Variants in HSD17B7 observed in about 807,000 individuals in gnomAD.
HSD17B7 encodes the protein 3-keto-steroid reductase/17-beta-hydroxysteroid dehydrogenase 7.
In HSD17B7, 17 loss-of-function variants were observed where a neutral mutation model predicts 34.1. The ratio of observed to expected loss-of-function variants is 0.50; its 90% confidence interval spans 0.34 to 0.75. The LOEUF is 0.75. HSD17B7 is among the 30% of genes least tolerant of loss of function. HSD17B7 has a pLI of 0.01. For synonymous variants in HSD17B7, 122 were observed against 154.6 expected (o/e 0.79, Z 1.56); for missense variants, 296 against 406.6 (o/e 0.73, Z 2.34).
chr1:162,809,260 C>T (rs1571010954), intron 8 of HSD17B7, among the ~76,000 whole-genome samples: 1 of 152,056 alleles, frequency 6.6e-6, no homozygotes, highest in Admixed American at 6.6e-5. Context: ...TGTTTATATG[C>T]TGGATTACGT....
intron 8 of HSD17B7, among the ~76,000 whole-genome samples, chr1:162,808,241 T>G (rs1290312947): frequency 6.6e-6 from 1 of 152,160 alleles, no homozygotes; most frequent in Non-Finnish European, 1.5e-5. Context: ...TCCCCATTTC[T>G]TGTTTTTGTC....
At chr1:162,802,231 TTTTG>T (rs1186903126) in intron 5 of HSD17B7, among the ~76,000 whole-genome samples, 2 of 152,230 alleles carry the variant, frequency 1.3e-5, no homozygotes, top group Admixed American at 6.5e-5. Context: ...CTTCTTTCTT[TTTTG>T]TTTATCTCTC....
intron 8 of HSD17B7, among the ~76,000 whole-genome samples, chr1:162,810,226 G>A (rs1156505662): frequency 6.6e-6 from 1 of 152,228 alleles, no homozygotes; most frequent in African/African-American, 2.4e-5. Flanking sequence ...TCATTCAGGA[G>A]CAAGTTGTTC....
chr1:162,793,658 A>G lies in HSD17B7; in HGVS notation c.239+796A>G, dbSNP rs551025613. ...TGTAAGTACATCCTGATGTGTGATCAGTTGCACTGCCTTACGTTAAGGTAA... is the reference window on the plus strand; with the variant it reads ...TGTAAGTACATCCTGATGTGTGATCGGTTGCACTGCCTTACGTTAAGGTAA... On this transcript the variant is annotated intron_variant, in intron 2 of 8. Transcript: ENST00000254521. Among the ~76,000 whole-genome samples the G allele has an allele frequency of 2.0e-5, 3 of 152,384 alleles. 1 individual carries two copies. In the South Asian group the frequency reaches 6.2e-4, roughly 32 times the overall value.
chr1:162,807,730 A>G (rs557407107), intron 8 of HSD17B7, among the ~76,000 whole-genome samples: 2 of 152,206 alleles, frequency 1.3e-5, no homozygotes, highest in Admixed American at 1.3e-4. Context: ...GCCAGTGATG[A>G]TGAGCATTTT....
intron 5 of HSD17B7, chr1:162,802,936 C>G (rs954467946): frequency 6.6e-6 from 1 of 152,612 alleles, no homozygotes; most frequent in African/African-American, 2.4e-5. Flanking sequence ...GGGAGCACCC[C>G]CCTCAAGCTA....
chr1:162,801,602 C>T (rs770214429), intron 5 of HSD17B7, among the ~76,000 whole-genome samples: 29 of 152,148 alleles, frequency 1.9e-4, no homozygotes, highest in African/African-American at 5.8e-4. Flanking sequence ...TGTACATGTA[C>T]GGGTTTTATG....
chr1:162,798,465 C>A (rs1317920876), intron 4 of HSD17B7: 3 of 152,964 alleles, frequency 2.0e-5, no homozygotes, highest in Non-Finnish European at 4.4e-5. Context: ...TTTGTAGACT[C>A]TCTCAATCGG....
intron 8 of HSD17B7, among the ~76,000 whole-genome samples, chr1:162,811,922 C>T (rs1276280790): frequency 6.6e-6 from 1 of 152,260 alleles, no homozygotes; most frequent in Non-Finnish European, 1.5e-5. Flanking sequence ...GGCTCTTTTA[C>T]TAAGCCAGAT....
In HSD17B7 at chr1:162,799,943, G is replaced by T. The variant is rs768389315; in HGVS notation, c.642+6G>T. The T allele has an allele frequency of 3.1e-6, 5 of 1,613,206 alleles. No individual in the cohort carries two copies. Among genetic ancestry groups the T allele is most frequent in the African/African-American group, 1.3e-5 (1 of 74,928 alleles). On this transcript the variant is annotated splice_donor_region_variant and intron_variant, in intron 5 of 8. Coordinates refer to ENST00000254521, the MANE Select transcript of HSD17B7 (RefSeq NM_016371.4). ...ACAGGAACTTCAACCAGCAGGTAAG[G>T]CCTGTCTCAGTGATACGGAAATGGC... is the stretch of plus-strand genomic sequence containing the variant.
intron 2 of HSD17B7, 133 bp downstream of exon 2, chr1:162,792,995 G>C: frequency 1.3e-6 from 1 of 772,888 alleles, no homozygotes; most frequent in South Asian, 1.8e-5. Context: ...AGTCTGTATA[G>C]GGTGACCCAT....
At chr1:162,807,134 C>T (rs140918489) in intron 8 of HSD17B7, among the ~76,000 whole-genome samples, 1,860 of 152,274 alleles carry the variant, frequency 0.012, 29 homozygotes, top group African/African-American at 0.043. Flanking sequence ...TACACCCACC[C>T]CACAACAGGC....
chr1:162,805,773 G>A (rs1648963093), intron 8 of HSD17B7, among the ~76,000 whole-genome samples: 1 of 152,162 alleles, frequency 6.6e-6, no homozygotes, highest in Non-Finnish European at 1.5e-5. Context: ...CCGGGCCTGG[G>A]TGCCTCTGTA....
At chr1:162,806,969 CT>C (rs1267002834) in intron 8 of HSD17B7, among the ~76,000 whole-genome samples, 2 of 151,958 alleles carry the variant, frequency 1.3e-5, no homozygotes, top group South Asian at 4.2e-4. Flanking sequence ...TATTTTCTTT[CT>C]TTTTTTTAAA....
At chr1:162,799,299 C>T (rs1453580965) in intron 4 of HSD17B7, among the ~76,000 whole-genome samples, 2 of 152,104 alleles carry the variant, frequency 1.3e-5, no homozygotes, top group Non-Finnish European at 2.9e-5. Flanking sequence ...TTTGGCACAC[C>T]CCCATTGTTA....
intron 2 of HSD17B7, among the ~76,000 whole-genome samples, chr1:162,795,133 T>C (rs1468450158): frequency 6.6e-6 from 1 of 152,174 alleles, no homozygotes; most frequent in Non-Finnish European, 1.5e-5. Flanking sequence ...CCAGATAGAT[T>C]CTTACTTATG....
chr1:162,800,026 C>T (rs1571002937), intron 5 of HSD17B7, 89 bp downstream of exon 5: 2 of 1,061,642 alleles, frequency 1.9e-6, no homozygotes, highest in East Asian at 5.2e-5. Context: ...GCTGGCTTTC[C>T]ACTAACTCTT....
chr1:162,804,023 A>T (rs1435792406), intron 6 of HSD17B7, among the ~76,000 whole-genome samples: 4 of 152,228 alleles, frequency 2.6e-5, no homozygotes, highest in African/African-American at 9.7e-5. Context: ...CTCAGGAAGA[A>T]GTGTCTTTTC....
At position 162,803,462 on chromosome 1, in the gene HSD17B7, C is replaced by T. The variant is rs755852918; in HGVS notation, c.674C>T (p.Thr225Ile). ...GLYSNVACPG[T>I]ALTNLTYGIL... ...TATTCCAATGTGGCCTGTCCAGGTA[C>T]AGCATTGACCAATTTGACATATGGA... Residue 225 changes from threonine (T) to isoleucine (I), a missense_variant, in exon 6 of 9, where the codon ACA (threonine) becomes ATA (isoleucine). Thr to Ile is a moderately conservative substitution (Grantham distance 89, BLOSUM62 -1). Coordinates refer to ENST00000254521, the MANE Select transcript of HSD17B7 (RefSeq NM_016371.4). 1.4e-5 allele frequency: 23 copies of T among 1,612,984 alleles called. No individual in the cohort carries two copies. The highest frequency in any genetic ancestry group is 1.8e-5 in the Non-Finnish European group (21 of 1,179,178).
Sources: gnomAD v4.1 joint callset for allele counts (sites outside exome capture counted in the v4.1 genomes callset) on GRCh38, gnomAD v4.1.1 for gene constraint, MANE v1.5 for transcripts, NCBI Gene and HGNC (gene_info 2026-07-23, HGNC 2026-07-21) for gene names.